The following GRM5 variants were observed in gnomAD, a reference collection of about 807,000 sequenced individuals.
GRM5 encodes the protein glutamate metabotropic receptor 5, also known as metabotropic glutamate receptor 5.
Under a neutral mutation model 83.1 loss-of-function variants are expected in GRM5, and 19 were observed. The ratio of observed to expected loss-of-function variants is 0.23; its 90% CI spans 0.16 to 0.34. The LOEUF (loss-of-function observed/expected upper bound fraction) is 0.34, where lower values mean the gene tolerates loss of function less well. Ranked by LOEUF, GRM5 falls within the 10% of genes least tolerant of loss-of-function variation. GRM5 has a pLI of 1.00. For missense variants in GRM5, 1,160 were observed against 1,588.3 expected (o/e 0.73, Z 4.58); for synonymous variants, 675 against 633.6 (o/e 1.07, Z -0.98).
At chr11:88,686,834 C>A (rs572672447) in intron 3 of GRM5, among the ~76,000 whole-genome samples, 7 of 152,038 alleles carry the variant, frequency 4.6e-5, no homozygotes, top group South Asian at 2.1e-4. Context: ...CTTTTCTTCC[C>A]AGTCTCAGGT....
intron 6 of GRM5, among the ~76,000 whole-genome samples, chr11:88,591,655 A>C (rs1045950231): frequency 6.6e-6 from 1 of 152,238 alleles, no homozygotes; most frequent in African/African-American, 2.4e-5. Flanking sequence ...TGATAATAAC[A>C]TCAGCTAGAT....
chr11:88,529,579 T>C (rs1941960072), intron 8 of GRM5, among the ~76,000 whole-genome samples: 1 of 151,974 alleles, frequency 6.6e-6, no homozygotes, highest in Admixed American at 6.6e-5. Context: ...TGCTTGTTGA[T>C]TATGAGATGT....
intron 8 of GRM5, among the ~76,000 whole-genome samples, chr11:88,558,311 C>G (rs1057417381): frequency 6.6e-6 from 1 of 152,064 alleles, no homozygotes; most frequent in African/African-American, 2.4e-5. Context: ...TAAATACAGC[C>G]CCACATTCGA....
intron 7 of GRM5, among the ~76,000 whole-genome samples, chr11:88,580,740 A>C (rs1449871630): frequency 6.6e-6 from 1 of 152,260 alleles, no homozygotes; most frequent in Non-Finnish European, 1.5e-5. Context: ...TGTTTATAAC[A>C]GTAAGCTTAG....
chr11:88,813,742 A>G (rs1013677527), intron 3 of GRM5, among the ~76,000 whole-genome samples: 2 of 152,204 alleles, frequency 1.3e-5, no homozygotes, highest in Non-Finnish European at 2.9e-5. Flanking sequence ...GAGTATGCAT[A>G]TATTTTTACA....
In GRM5 at chr11:88,983,759, C is replaced by T. The variant is rs1044448212; in HGVS notation, c.661+63453G>A. Among the ~76,000 whole-genome samples the T allele has an allele frequency of 6.7e-4, 102 of 151,924 alleles. 1 individual carries two copies. Among genetic ancestry groups the T allele is most frequent in the African/African-American group, 2.4e-3 (99 of 41,352 alleles). On this transcript the variant is annotated intron_variant, in intron 2 of 9. Transcript: ENST00000305447. The stretch of plus-strand genomic sequence containing the variant: ...TGTAAAACAGCCCCAGGCAATCTAT[C>T]AGGACGTATTCCAGAATAAGGCATT...
Position 88,787,351 on chromosome 11 carries a change from C to G in GRM5, c.911+62555G>C, listed in dbSNP as rs1022586502. Among the ~76,000 whole-genome samples the G allele has an allele frequency of 7.6e-4, 116 of 151,696 alleles. 2 individuals carry two copies. Among genetic ancestry groups the G allele is most frequent in the Admixed American group, 7.2e-4 (11 of 15,186 alleles). On this transcript the variant is annotated intron_variant, in intron 3 of 9. Transcript: ENST00000305447. Reference sequence around the variant, plus strand: ...AAAGAAATGAAATTTTTTTATATCACAAAAATTAAAAAGGAGAGGATGTGG... The same window carrying G: ...AAAGAAATGAAATTTTTTTATATCAGAAAAATTAAAAAGGAGAGGATGTGG...
Position 89,041,821 on chromosome 11 carries a change from C to T in GRM5, c.661+5391G>A, listed in dbSNP as rs377347789. 2.0e-5 allele frequency among the ~76,000 whole-genome samples: 3 copies of T among 152,200 alleles called. No individual in the cohort carries two copies. The East Asian group carries it at 5.8e-4, about 29-fold the overall frequency. ...TAAAGAATTCCCCTAAAAGTTTCTG[C>T]ATCTTCTAAATTGTATATATTGTTA... On this transcript the variant is annotated intron_variant, in intron 2 of 9. Coordinates refer to ENST00000305447, the MANE Select transcript of GRM5 (RefSeq NM_001143831.3).
chr11:88,798,825 A>ACAAC (rs1555017419), intron 3 of GRM5, among the ~76,000 whole-genome samples: 13 of 145,302 alleles, frequency 8.9e-5, no homozygotes, highest in Admixed American at 3.9e-4. Flanking sequence ...AAAAAAAAAA[A>ACAAC]AACAACAACA....
At chr11:88,879,328 T>C (rs1407518945) in intron 2 of GRM5, among the ~76,000 whole-genome samples, 1 of 151,876 alleles carries the variant, frequency 6.6e-6, no homozygotes, top group East Asian at 1.9e-4. Context: ...GAAAGTAATC[T>C]TAGTACTCAA....
At chr11:88,863,995 G>A (rs966439334) in intron 2 of GRM5, among the ~76,000 whole-genome samples, 5 of 151,314 alleles carry the variant, frequency 3.3e-5, no homozygotes, top group East Asian at 1.9e-4. Flanking sequence ...AAAGGTGAAC[G>A]TTTAATGATG....
intron 2 of GRM5, among the ~76,000 whole-genome samples, chr11:88,914,505 C>A (rs567142700): frequency 7.2e-4 from 110 of 152,212 alleles, no homozygotes; most frequent in Non-Finnish European, 1.3e-3. Context: ...GAATACACTG[C>A]CAGAATCCAG....
At chr11:88,524,922 G>A (rs1450582007) in intron 9 of GRM5, among the ~76,000 whole-genome samples, 1 of 152,156 alleles carries the variant, frequency 6.6e-6, no homozygotes, top group African/African-American at 2.4e-5. Context: ...CTTAAAACCA[G>A]TTCTAAGCTT....
intron 2 of GRM5, among the ~76,000 whole-genome samples, chr11:88,931,544 A>C (rs375443542): frequency 1.3e-5 from 2 of 152,152 alleles, no homozygotes; most frequent in Admixed American, 1.3e-4. Flanking sequence ...CAGGCAAAGA[A>C]GAAACCAAAA....
chr11:88,874,757 A>G (rs1428935600), intron 2 of GRM5, among the ~76,000 whole-genome samples: 3 of 152,100 alleles, frequency 2.0e-5, no homozygotes, highest in African/African-American at 7.2e-5. Flanking sequence ...TTGATTTCAG[A>G]CCATTACAAT....
At chr11:88,586,529 C>T (rs1329088218) in intron 7 of GRM5, among the ~76,000 whole-genome samples, 1 of 152,174 alleles carries the variant, frequency 6.6e-6, no homozygotes, top group African/African-American at 2.4e-5. Flanking sequence ...AGTAAGGTAA[C>T]TATAAGCCAA....
chr11:88,783,635 CCT>C (rs148306399), intron 3 of GRM5, among the ~76,000 whole-genome samples: 1 of 151,046 alleles, frequency 6.6e-6, no homozygotes, highest in South Asian at 2.1e-4. Context: ...TTGTTTTCTC[CCT>C]CTCTCTCTCT....
In GRM5 at chr11:88,507,082, T is replaced by C. The variant is rs1394855311; in HGVS notation, c.*1510A>G. On this transcript the variant is annotated 3_prime_UTR_variant, in exon 10 of 10. Coordinates refer to ENST00000305447, the MANE Select transcript of GRM5 (RefSeq NM_001143831.3). The stretch of plus-strand genomic sequence containing the variant: ...AGCTGCAATGGGAGGAAGAAAGAGA[T>C]GACAGTGGATTCAGGTCTTGAACTA... The C allele has an allele frequency of 6.6e-6, 1 of 152,154 alleles. No individual in the cohort carries two copies. The highest frequency in any genetic ancestry group is 2.1e-4 in the South Asian group (1 of 4,826). 9.4% of individuals were successfully genotyped at this position (152,154 alleles called of 1,614,324 possible). A position where few individuals can be genotyped will look rare whatever the true frequency, so the allele number is the denominator to read the frequency against.
Position 88,601,787 on chromosome 11 carries a change from G to A in GRM5, c.1394+2931C>T, listed in dbSNP as rs1031415725. Reference sequence around the variant, plus strand: ...AATTCTCAATGGAGTCCCTAAACCCGAGATTAGCAAACTTTTGCTGTGAGG... The same window carrying A: ...AATTCTCAATGGAGTCCCTAAACCCAAGATTAGCAAACTTTTGCTGTGAGG... On this transcript the variant is annotated intron_variant, in intron 5 of 9. Coordinates refer to ENST00000305447, the MANE Select transcript of GRM5 (RefSeq NM_001143831.3). 3.3e-5 allele frequency among the ~76,000 whole-genome samples: 5 copies of A among 152,134 alleles called. No individual in the cohort carries two copies. The South Asian group carries it at 8.3e-4, about 25-fold the overall frequency.
Sources: gnomAD v4.1 joint callset for allele counts (sites outside exome capture counted in the v4.1 genomes callset) on GRCh38, gnomAD v4.1.1 for gene constraint, MANE v1.5 for transcripts, NCBI Gene and HGNC (gene_info 2026-07-23, HGNC 2026-07-21) for gene names.